NBAS: variants seen among roughly 807,000 people sequenced by gnomAD.
NBAS encodes NBAS subunit of NRZ tethering complex.
Under a neutral mutation model 302.5 loss-of-function variants are expected in NBAS, and 219 were observed. The observed-to-expected ratio is 0.72, with a 90% CI of 0.65 to 0.81. NBAS has a LOEUF of 0.81. Among genes scored for constraint, NBAS ranks in the 30% least tolerant of loss-of-function variants. The pLI is 0.00. For missense variants in NBAS, 2,932 were observed against 2,841.6 expected (o/e 1.03, Z -0.72); for synonymous variants, 1,118 against 1,021.6 (o/e 1.09, Z -1.80).
intron 47 of NBAS, among the ~76,000 whole-genome samples, 159 bp downstream of exon 47, chr2:15,232,263 C>T (rs1410036645): frequency 6.6e-6 from 1 of 152,142 alleles, no homozygotes; most frequent in Non-Finnish European, 1.5e-5. Context: ...GGGGTCAGCA[C>T]AGAGCTAAGA....
At chr2:15,156,901 C>T in the NBAS span, among the ~76,000 whole-genome samples, 1 of 152,190 alleles carries the variant, frequency 6.6e-6, no homozygotes, top group Admixed American at 6.5e-5. Context: ...AAGGTTCTTA[C>T]TCAGTGTTTC....
the NBAS span, among the ~76,000 whole-genome samples, chr2:15,013,862 T>C: frequency 6.6e-6 from 1 of 152,032 alleles, no homozygotes; most frequent in Non-Finnish European, 1.5e-5. Flanking sequence ...CCCAACTATA[T>C]GCTGTCTATA....
At chr2:15,351,450 G>A (rs149417748) in intron 35 of NBAS, among the ~76,000 whole-genome samples, 1 of 152,126 alleles carries the variant, frequency 6.6e-6, no homozygotes, top group Non-Finnish European at 1.5e-5. Context: ...GCTGAAGAGG[G>A]TGGATCACTT....
At chr2:15,299,972 G>A (rs908301840) in intron 40 of NBAS, among the ~76,000 whole-genome samples, 3 of 152,184 alleles carry the variant, frequency 2.0e-5, no homozygotes, top group African/African-American at 7.2e-5. Context: ...AATACTAGAA[G>A]AGAAAATTCT....
Position 15,554,044 on chromosome 2 carries a change from A to C in NBAS, c.287+17T>G. On this transcript the variant is annotated intron_variant, in intron 4 of 51. Transcript: ENST00000281513. Reference sequence around the variant, plus strand: ...GCTAATCCAGACAGAAAAACATTGAATTTCACACTTCCTTACCTTGCAAGT... The same window carrying C: ...GCTAATCCAGACAGAAAAACATTGACTTTCACACTTCCTTACCTTGCAAGT... The C allele has an allele frequency of 6.2e-7, 1 of 1,607,564 alleles. No homozygotes were observed. The highest frequency in any genetic ancestry group is 8.5e-7 in the Non-Finnish European group (1 of 1,174,248).
the NBAS span, among the ~76,000 whole-genome samples, chr2:15,050,464 A>G: frequency 1.3e-4 from 20 of 152,232 alleles, no homozygotes; most frequent in African/African-American, 4.8e-4. Context: ...GGTCTCAGGC[A>G]GCATCCCACC....
chr2:15,477,157 C>A (rs888254325), intron 13 of NBAS, among the ~76,000 whole-genome samples: 1 of 152,120 alleles, frequency 6.6e-6, no homozygotes, highest in Non-Finnish European at 1.5e-5. Context: ...CTCAAAAATA[C>A]GTCTGGATGA....
the NBAS span, among the ~76,000 whole-genome samples, chr2:14,995,828 C>T: frequency 1.3e-5 from 2 of 152,216 alleles, no homozygotes; most frequent in East Asian, 1.9e-4. Flanking sequence ...CTCATGCACT[C>T]CTCCCAGCTC....
chr2:15,269,955 A>G (rs1200387177), intron 44 of NBAS, among the ~76,000 whole-genome samples: 1 of 152,170 alleles, frequency 6.6e-6, no homozygotes, highest in African/African-American at 2.4e-5. Context: ...GTAAGGCTGG[A>G]TTTTCTTCAC....
intron 42 of NBAS, among the ~76,000 whole-genome samples, chr2:15,278,399 T>A (rs1006582666): frequency 6.6e-6 from 1 of 152,184 alleles, no homozygotes; most frequent in South Asian, 2.1e-4. Context: ...ATGCTGAATA[T>A]CCTTCTATTC....
At chr2:15,111,784 T>C in the NBAS span, among the ~76,000 whole-genome samples, 428 of 151,552 alleles carry the variant, frequency 2.8e-3, 1 homozygote, top group African/African-American at 9.7e-3. Flanking sequence ...TAGAAGGTAG[T>C]ACATCTACCT....
chr2:15,135,447 C>G, the NBAS span, among the ~76,000 whole-genome samples: 2 of 152,120 alleles, frequency 1.3e-5, no homozygotes, highest in African/African-American at 4.8e-5. Flanking sequence ...AGGCAGTGAG[C>G]GGGCACCCGT....
At chr2:14,854,531 G>C in the NBAS span, among the ~76,000 whole-genome samples, 1 of 149,806 alleles carries the variant, frequency 6.7e-6, no homozygotes, top group African/African-American at 2.5e-5. Context: ...AGGTGCTGAA[G>C]AGATAAAATT....
chr2:15,346,319 C>T (rs1028054569), intron 35 of NBAS, among the ~76,000 whole-genome samples: 68 of 151,846 alleles, frequency 4.5e-4, no homozygotes, highest in African/African-American at 1.6e-3. Context: ...ACAAAAAAAA[C>T]AACCCCATCA....
At chr2:15,114,685 TG>T in the NBAS span, among the ~76,000 whole-genome samples, 8 of 152,280 alleles carry the variant, frequency 5.3e-5, no homozygotes, top group Non-Finnish European at 8.8e-5. Context: ...AGTATGTGGC[TG>T]TGATTGACAG....
intron 26 of NBAS, among the ~76,000 whole-genome samples, chr2:15,399,226 G>A (rs113266888): frequency 3.9e-5 from 6 of 152,076 alleles, no homozygotes; most frequent in African/African-American, 1.4e-4. Context: ...TTGCCTGGTC[G>A]ACTTAGGAAC....
chr2:15,300,882 A>G (rs1231735441), intron 40 of NBAS, among the ~76,000 whole-genome samples: 1 of 152,196 alleles, frequency 6.6e-6, no homozygotes, highest in Non-Finnish European at 1.5e-5. Context: ...AGTATTTCAG[A>G]TGGGGAACTG....
intron 51 of NBAS, among the ~76,000 whole-genome samples, chr2:15,168,640 C>A (rs1181530308): frequency 1.3e-5 from 2 of 152,084 alleles, no homozygotes; most frequent in Admixed American, 6.5e-5. Context: ...TTATTTATTT[C>A]TTTTTTGAGA....
downstream of NBAS, among the ~76,000 whole-genome samples, chr2:15,162,154 C>G (rs1663914679): frequency 1.3e-5 from 2 of 152,174 alleles, no homozygotes; most frequent in Non-Finnish European, 2.9e-5. Context: ...AACCCAGACC[C>G]CTGACTCCAA....
Sources: gnomAD v4.1 joint callset for allele counts (sites outside exome capture counted in the v4.1 genomes callset) on GRCh38, gnomAD v4.1.1 for gene constraint, MANE v1.5 for transcripts, NCBI Gene and HGNC (gene_info 2026-07-23, HGNC 2026-07-21) for gene names.